Variants in RNF44 observed in about 807,000 individuals in gnomAD.
RNF44 encodes the protein ring finger protein 44.
In RNF44, 25 loss-of-function variants were observed where a neutral mutation model predicts 53.6. That is an observed-to-expected ratio of 0.47 (90% CI 0.34 to 0.65). The LOEUF (loss-of-function observed/expected upper bound fraction) is 0.65, where lower values mean the gene tolerates loss of function less well. Ranked by LOEUF, RNF44 falls within the 30% of genes least tolerant of loss-of-function variation. The probability of loss-of-function intolerance (pLI) is 0.01; values close to 1 mark genes in which losing one functional copy is unlikely to be tolerated. For missense variants in RNF44, 581 were observed against 595.5 expected (o/e 0.98, Z 0.25); for synonymous variants, 282 against 252.2 (o/e 1.12, Z -1.12).
Position 176,531,992 on chromosome 5 carries a change from G to A in RNF44, c.297+12C>T. 4 of 1,604,672 alleles carry A rather than the reference G, an allele frequency of 2.5e-6. No individual in the cohort carries two copies. In the East Asian group the frequency reaches 6.7e-5, roughly 27 times the overall value. On this transcript the variant is annotated intron_variant, in intron 3 of 10. Coordinates refer to ENST00000274811, the MANE Select transcript of RNF44 (RefSeq NM_014901.5). The surrounding 1 kb of genome is among the most constrained non-coding windows in gnomAD (Gnocchi z 4.2). ...ACAGGGCCAGGGGCACAGGGGATGG[G>A]GTTCTGCCTACCTGCTCGTGGAGAT...
chr5:176,530,138 C>T lies in RNF44; in HGVS notation c.870G>A (p.Pro290=), dbSNP rs550394383. The part of the protein sequence containing the change: ...QRYRLQQPLP[P]PPPPPPPPPY... ...GTGGTGGGGGTGGGGGTGGGGGCGGCGGGGGCAGTGGCTGCTGCAGGCGGT... is the reference window on the plus strand; with the variant it reads ...GTGGTGGGGGTGGGGGTGGGGGCGGTGGGGGCAGTGGCTGCTGCAGGCGGT... The change falls in exon 7 of 11, where the codon CCG becomes CCA. Residue 290 remains proline, a synonymous_variant. Coordinates refer to ENST00000274811, the MANE Select transcript of RNF44 (RefSeq NM_014901.5). 1.6e-3 allele frequency: 237 copies of T among 143,716 alleles called. No individual in the cohort carries two copies. In the African/African-American group the frequency reaches 0.032, roughly 20 times the overall value. 8.9% of individuals were successfully genotyped at this position (143,716 alleles called of 1,614,324 possible). A position where few individuals can be genotyped will look rare whatever the true frequency, so the allele number is the denominator to read the frequency against.
intron 1 of RNF44, among the ~76,000 whole-genome samples, chr5:176,534,104 C>T (rs1032646434): frequency 6.6e-5 from 10 of 152,198 alleles, no homozygotes; most frequent in Non-Finnish European, 8.8e-5. Flanking sequence ...CATGGGAGAC[C>T]GGGGCCCGAC....
In RNF44 at chr5:176,536,951, C is replaced by G. The variant is rs1241006846; in HGVS notation, c.-56G>C. On this transcript the variant is annotated 5_prime_UTR_variant, in exon 1 of 11. Coordinates refer to ENST00000274811, the MANE Select transcript of RNF44 (RefSeq NM_014901.5). ...TGGCACCGACTCACCTTTGGCCGCCCGGCCACACGTTGACTCCTTTGTTCC... is the reference window on the plus strand; with the variant it reads ...TGGCACCGACTCACCTTTGGCCGCCGGGCCACACGTTGACTCCTTTGTTCC... 1 of 144,092 alleles carries G rather than the reference C, an allele frequency of 6.9e-6. No homozygotes were observed. The highest frequency in any genetic ancestry group is 2.1e-4 in the East Asian group (1 of 4,874). 8.9% of individuals were successfully genotyped at this position (144,092 alleles called of 1,614,324 possible). A position where few individuals can be genotyped will look rare whatever the true frequency, so the allele number is the denominator to read the frequency against.
At position 176,531,239 on chromosome 5, in the gene RNF44, CTG is replaced by C. The variant is rs1756628323; in HGVS notation, c.466-220_466-219del. On this transcript the variant is annotated intron_variant, in intron 4 of 10. Transcript: ENST00000274811. This position sits in a 1 kb window ranked among gnomAD's most constrained non-coding sequence, Gnocchi z 4.2. ...CCTCAACTCCTGGGCCTCTGCCAAGCTGTGAGGCAGGTACAGGGGTACTGGAA... is the reference window on the plus strand; with the variant it reads ...CCTCAACTCCTGGGCCTCTGCCAAGCTGAGGCAGGTACAGGGGTACTGGAA... Among the ~76,000 whole-genome samples the C allele has an allele frequency of 6.6e-6, 1 of 152,244 alleles. No individual in the cohort carries two copies. The highest frequency in any genetic ancestry group is 6.5e-5 in the Admixed American group (1 of 15,290).
At chr5:176,541,704 C>A (rs1757451756), upstream of RNF44, among the ~76,000 whole-genome samples, 1 of 152,190 alleles carries the variant, frequency 6.6e-6, no homozygotes, top group Admixed American at 6.5e-5. Flanking sequence ...TACCCCAGAG[C>A]CTGGACAACT....
At chr5:176,530,463 G>A (rs897073813) in intron 6 of RNF44, 119 bp downstream of exon 6, 20 of 1,155,776 alleles carry the variant, frequency 1.7e-5, no homozygotes, top group African/African-American at 9.9e-5. Context: ...CGGAGCCCAC[G>A]TGCAAGTCAG....
chr5:176,534,190 G>A (rs772050755), intron 1 of RNF44, among the ~76,000 whole-genome samples: 5 of 152,248 alleles, frequency 3.3e-5, no homozygotes, highest in Admixed American at 2.6e-4. Flanking sequence ...AAATGTGCAC[G>A]GAACAGAGCC....
chr5:176,542,208 G>T (rs1757463658), upstream of RNF44, among the ~76,000 whole-genome samples: 1 of 152,188 alleles, frequency 6.6e-6, no homozygotes, highest in Non-Finnish European at 1.5e-5. Flanking sequence ...GGCCACTGGG[G>T]CGAAAGGACT....
At chr5:176,535,832 T>G (rs541091934) in intron 1 of RNF44, among the ~76,000 whole-genome samples, 1 of 152,224 alleles carries the variant, frequency 6.6e-6, no homozygotes, top group East Asian at 1.9e-4. Context: ...CGTCCACATC[T>G]CCATGCTGTC....
At chr5:176,541,289 C>T (rs1757442011), upstream of RNF44, among the ~76,000 whole-genome samples, 1 of 152,138 alleles carries the variant, frequency 6.6e-6, no homozygotes, top group African/African-American at 2.4e-5. Flanking sequence ...CAGCATTGGC[C>T]CCATTTTACA....
chr5:176,528,907 G>A lies in RNF44; in HGVS notation c.*121C>T. ...CTGGGCTGACCCTGGCACCAGCTCT[G>A]GAAATGCAGGCAGGAGCGAAGGGGC... On this transcript the variant is annotated 3_prime_UTR_variant, in exon 11 of 11. Coordinates refer to ENST00000274811, the MANE Select transcript of RNF44 (RefSeq NM_014901.5). 1.1e-6 allele frequency: 1 copy of A among 911,092 alleles called. No individual in the cohort carries two copies. 56.4% of individuals were successfully genotyped at this position (911,092 alleles called of 1,614,324 possible).
chr5:176,534,068 G>A (rs928223840), intron 1 of RNF44, among the ~76,000 whole-genome samples: 4 of 152,206 alleles, frequency 2.6e-5, no homozygotes, highest in African/African-American at 7.2e-5. Context: ...TCACAAGCCT[G>A]GGCCCTGCTT....
chr5:176,536,843 C>A (rs1757237579), intron 1 of RNF44, 97 bp downstream of exon 1: 1 of 152,138 alleles, frequency 6.6e-6, no homozygotes, highest in Non-Finnish European at 1.5e-5. Flanking sequence ...TTAACCCCTA[C>A]GGAGCCACCT....
upstream of RNF44, among the ~76,000 whole-genome samples, chr5:176,541,456 C>T (rs957177163): frequency 1.3e-5 from 2 of 152,152 alleles, no homozygotes; most frequent in Admixed American, 6.5e-5. Context: ...CAGATGTCCC[C>T]AGGGAAAGGG....
In RNF44 at chr5:176,528,456, TC is replaced by T. The variant is rs1168742791; in HGVS notation, c.*571del. The T allele has an allele frequency of 6.6e-6, 1 of 152,390 alleles. No individual in the cohort carries two copies. The highest frequency in any genetic ancestry group is 1.5e-5 in the Non-Finnish European group (1 of 68,420). The allele number at this position is 152,390 out of a possible 1,614,324, so 9.4% of individuals were successfully genotyped here. On this transcript the variant is annotated 3_prime_UTR_variant, in exon 11 of 11. Transcript: ENST00000274811. ...TGGAATGTTGTTCCTGGGATGAGGGTCCCCTAGGGAACCAGACTCAGCCCTC... is the reference window on the plus strand; with the variant it reads ...TGGAATGTTGTTCCTGGGATGAGGGTCCCTAGGGAACCAGACTCAGCCCTC...
rs1330059422 is a variant in RNF44, at chr5:176,529,624, C to T, written c.1035G>A (p.Glu345=). The T allele has an allele frequency of 1.1e-5, 18 of 1,613,826 alleles. No individual in the cohort carries two copies. Among genetic ancestry groups the T allele is most frequent in the Non-Finnish European group, 1.4e-5 (17 of 1,180,004 alleles). ...CCCGGGGCTTGGCATCTCCCAGCCG[C>T]TCGGCCAGGTTCAGGAGGGCCTGCA... ...ENYEALLNLA[E]RLGDAKPRGL... is the part of the protein sequence containing the mutation. Residue 345 remains glutamate, a synonymous_variant, in exon 9 of 11, where the codon GAG becomes GAA. Coordinates refer to ENST00000274811, the MANE Select transcript of RNF44 (RefSeq NM_014901.5).
rs1363442847 is a variant in RNF44, at chr5:176,537,015, G to GC, written c.-121_-120insG. On this transcript the variant is annotated 5_prime_UTR_variant, in exon 1 of 11. Transcript: ENST00000274811. ...CCAAACTGGGCAGGGGGCGGGGGAG[G>GC]GGGGGGGTGCCTGTCTGGATCCTTT... 9 of 128,116 alleles carry GC rather than the reference G, an allele frequency of 7.0e-5. No individual in the cohort carries two copies. Among genetic ancestry groups the GC allele is most frequent in the Admixed American group, 3.8e-4 (5 of 13,078 alleles). The allele number at this position is 128,116 out of a possible 1,614,324, so 7.9% of individuals were successfully genotyped here.
At chr5:176,542,993 C>G (rs1225901882), upstream of RNF44, among the ~76,000 whole-genome samples, 1 of 152,050 alleles carries the variant, frequency 6.6e-6, no homozygotes, top group East Asian at 1.9e-4. Flanking sequence ...GCGGTCGGGA[C>G]GTGCGCGGGG....
upstream of RNF44, among the ~76,000 whole-genome samples, chr5:176,538,482 T>A (rs1349174211): frequency 1.3e-5 from 2 of 152,262 alleles, no homozygotes; most frequent in East Asian, 3.9e-4. Context: ...TCCACCACAA[T>A]TATATAAGCA....
Sources: allele counts gnomAD v4.1 joint callset (sites outside exome capture counted in the v4.1 genomes callset), GRCh38; gene constraint gnomAD v4.1.1; non-coding constraint Gnocchi (gnomAD v3.1); transcripts MANE v1.5; gene names NCBI Gene and HGNC (gene_info 2026-07-23, HGNC 2026-07-21).